CSMD3: variants seen among roughly 807,000 people sequenced by gnomAD.
The protein encoded by CSMD3 is CUB and sushi domain-containing protein 3.
Under a neutral mutation model 435.2 loss-of-function variants are expected in CSMD3, and 177 were observed. The ratio of observed to expected loss-of-function variants is 0.41; its 90% CI spans 0.36 to 0.46. The LOEUF is 0.46. CSMD3 is among the 20% of genes least tolerant of loss of function. The probability of loss-of-function intolerance (pLI) is 0.34; values close to 1 mark genes in which losing one functional copy is unlikely to be tolerated. For synonymous variants in CSMD3, 1,656 were observed against 1,520.5 expected, an observed-to-expected ratio of 1.09 and a Z score of -2.07; for missense variants, 4,265 against 4,504.6, an observed-to-expected ratio of 0.95 and a Z score of 1.52.
rs369645933 is a variant in CSMD3 at position 112,336,834 on chromosome 8, G to A, written c.6842-5C>T. The A allele has an allele frequency of 2.3e-5, 37 of 1,610,244 alleles. No homozygotes were observed. Among genetic ancestry groups the A allele is most frequent in the South Asian group, 1.6e-4 (15 of 90,994 alleles). The stretch of plus-strand genomic sequence containing the variant: ...TTATATTCCCACCACAAAGAGCTAC[G>A]GAAAAAGTCACAAAACAAAATAATA... On this transcript the variant is annotated splice_region_variant and splice_polypyrimidine_tract_variant and intron_variant, in intron 43 of 70. Coordinates refer to ENST00000297405, the MANE Select transcript of CSMD3 (RefSeq NM_198123.2).
intron 32 of CSMD3, among the ~76,000 whole-genome samples, chr8:112,451,953 C>A (rs1026287): frequency 0.43 from 64,934 of 151,994 alleles, 14,849 homozygotes; most frequent in Middle Eastern, 0.6. Flanking sequence ...TGCTTAGATA[C>A]TAACGTTTCC....
chr8:113,204,453 A>T (rs1419496720), intron 3 of CSMD3, among the ~76,000 whole-genome samples: 1 of 152,182 alleles, frequency 6.6e-6, no homozygotes, highest in East Asian at 1.9e-4. Context: ...AATTAAGCTT[A>T]TAAAGTAAAA....
rs1210384845 is a variant in CSMD3, at chr8:112,921,690, T to C, written c.1570A>G (p.Ile524Val). 8.7e-6 allele frequency: 14 copies of C among 1,610,956 alleles called. No homozygotes were observed. The highest frequency in any genetic ancestry group is 1.2e-5 in the Non-Finnish European group (14 of 1,177,462). ...EDYVLQGAKS[I>V]TCQRIAEVFA... is the part of the protein sequence containing the mutation. ...ACTTCAGCTATCCGTTGACAGGTGA[T>C]GCTCTTTGCGCCCTGTAGGACATAA... The change falls in exon 10 of 71, where the codon ATC (isoleucine) becomes GTC (valine). Residue 524 changes from isoleucine (I) to valine (V), a missense_variant. Physicochemically the swap from Ile to Val is conservative, Grantham distance 29. This residue lies in a region of CSMD3 where 731 missense variants were observed against 755.4 expected (regional missense o/e 0.97). Coordinates refer to ENST00000297405, the MANE Select transcript of CSMD3 (RefSeq NM_198123.2).
At chr8:112,691,029 C>T (rs2076125064) in intron 13 of CSMD3, among the ~76,000 whole-genome samples, 1 of 152,014 alleles carries the variant, frequency 6.6e-6, no homozygotes, top group South Asian at 2.1e-4. Context: ...ATGTATAATT[C>T]CACACAGACA....
In CSMD3 at chr8:112,859,273, GA is replaced by G. The variant is rs763557033; in HGVS notation, c.1634-8del. On this transcript the variant is annotated splice_polypyrimidine_tract_variant and splice_region_variant and intron_variant, in intron 10 of 70. Transcript: ENST00000297405. Reference sequence around the variant, plus strand: ...TTAGAGCCACACGTTTTCACTAAAAGAGAAATTGCATTTTAAAAGATGAACA... The same window carrying G: ...TTAGAGCCACACGTTTTCACTAAAAGGAAATTGCATTTTAAAAGATGAACA... The G allele has an allele frequency of 1.2e-6, 2 of 1,609,354 alleles. No individual in the cohort carries two copies. Among genetic ancestry groups the G allele is most frequent in the East Asian group, 4.5e-5 (2 of 44,702 alleles).
chr8:113,221,370 C>T (rs929035426), intron 3 of CSMD3, among the ~76,000 whole-genome samples: 3 of 151,092 alleles, frequency 2.0e-5, no homozygotes, highest in Non-Finnish European at 4.4e-5. Flanking sequence ...CACACACACA[C>T]ACACACACAC....
At chr8:112,974,229 A>G (rs1225773191) in intron 7 of CSMD3, among the ~76,000 whole-genome samples, 1 of 151,952 alleles carries the variant, frequency 6.6e-6, no homozygotes, top group Non-Finnish European at 1.5e-5. Context: ...TTAATGGTTG[A>G]CTATTAAACT....
intron 3 of CSMD3, among the ~76,000 whole-genome samples, chr8:113,191,106 A>C (rs1269756075): frequency 2.0e-5 from 3 of 151,798 alleles, no homozygotes; most frequent in Non-Finnish European, 4.4e-5. Context: ...GTATCTTTCA[A>C]TGTTCTCTTT....
At chr8:112,318,459 A>AAG (rs1448433349) in intron 47 of CSMD3, among the ~76,000 whole-genome samples, 1 of 152,006 alleles carries the variant, frequency 6.6e-6, no homozygotes, top group Non-Finnish European at 1.5e-5. Flanking sequence ...TACTCAACAA[A>AAG]GTTTAATGAG....
At position 112,293,122 on chromosome 8, in the gene CSMD3, G is replaced by A. The variant is rs184256433; in HGVS notation, c.8615-412C>T. ...AAGAACAAAACTAGCCAGGTGTGGT[G>A]ACTCATGCCTATAATCTCAGTGCTT... On this transcript the variant is annotated intron_variant, in intron 54 of 70. Coordinates refer to ENST00000297405, the MANE Select transcript of CSMD3 (RefSeq NM_198123.2). Among the ~76,000 whole-genome samples the A allele has an allele frequency of 2.8e-3, 426 of 152,040 alleles. 1 individual carries two copies. Among genetic ancestry groups the A allele is most frequent in the African/African-American group, 9.2e-3 (382 of 41,470 alleles).
At chr8:113,054,414 AT>A (rs1256764346) in intron 5 of CSMD3, among the ~76,000 whole-genome samples, 1 of 152,112 alleles carries the variant, frequency 6.6e-6, no homozygotes, top group East Asian at 1.9e-4. Flanking sequence ...TCTTCAATAC[AT>A]TTTTTTAAGA....
chr8:112,530,482 A>G (rs1011622769), intron 27 of CSMD3, among the ~76,000 whole-genome samples: 2 of 152,336 alleles, frequency 1.3e-5, no homozygotes, highest in South Asian at 2.1e-4. Flanking sequence ...TTTGCAGACC[A>G]TAAAGGAGAG....
chr8:113,088,958 T>A (rs191526284), intron 5 of CSMD3, among the ~76,000 whole-genome samples: 4 of 152,296 alleles, frequency 2.6e-5, no homozygotes, highest in Non-Finnish European at 5.9e-5. Context: ...TACACCTGAA[T>A]ATTGAACATT....
chr8:112,580,613 C>G (rs1830272757), intron 23 of CSMD3, among the ~76,000 whole-genome samples: 1 of 150,942 alleles, frequency 6.6e-6, no homozygotes, highest in Non-Finnish European at 1.5e-5. Flanking sequence ...TCTGGTGTAA[C>G]TCAGTGTCAT....
At chr8:113,111,182 T>A (rs944746979) in intron 4 of CSMD3, among the ~76,000 whole-genome samples, 4 of 152,110 alleles carry the variant, frequency 2.6e-5, no homozygotes, top group African/African-American at 7.2e-5. Flanking sequence ...CATTCCCAGG[T>A]CAGAAGTTTT....
chr8:112,357,155 G>GA (rs1826697683), intron 38 of CSMD3, among the ~76,000 whole-genome samples: 1 of 152,296 alleles, frequency 6.6e-6, no homozygotes, highest in East Asian at 1.9e-4. Flanking sequence ...GTAAGTTCCA[G>GA]TCTGAGGTGG....
intron 4 of CSMD3, among the ~76,000 whole-genome samples, chr8:113,143,029 C>G (rs1474293425): frequency 6.6e-6 from 1 of 150,734 alleles, no homozygotes; most frequent in Admixed American, 6.7e-5. Flanking sequence ...AAACAAGTTA[C>G]AAGTTACAGC....
chr8:113,294,194 T>G (rs1385453853), intron 2 of CSMD3, among the ~76,000 whole-genome samples: 1 of 152,010 alleles, frequency 6.6e-6, no homozygotes, highest in East Asian at 1.9e-4. Context: ...AAAAGGAAAT[T>G]CAAGGATGCT....
chr8:113,122,859 AAT>A (rs2091023266), intron 4 of CSMD3, among the ~76,000 whole-genome samples: 2 of 152,130 alleles, frequency 1.3e-5, no homozygotes, highest in Non-Finnish European at 2.9e-5. Context: ...ATACAAAATT[AAT>A]ACAAACATTT....
Sources: gnomAD v4.1 joint callset for allele counts (sites outside exome capture counted in the v4.1 genomes callset) on GRCh38, gnomAD v4.1.1 for gene constraint, gnomAD v4.1.1 regional missense constraint, MANE v1.5 for transcripts, NCBI Gene and HGNC (gene_info 2026-07-23, HGNC 2026-07-21) for gene names.